The following CDHR3 variants were observed in gnomAD, a reference collection of about 807,000 sequenced individuals.
The protein encoded by CDHR3 is cadherin related family member 3.
In CDHR3, 79 loss-of-function variants were observed where a neutral mutation model predicts 86.6. The ratio of observed to expected loss-of-function variants is 0.91; its 90% CI spans 0.76 to 1.10. CDHR3 has a LOEUF of 1.10. CDHR3 is among the 50% of genes least tolerant of loss of function. CDHR3 has a pLI of 0.00. For synonymous variants in CDHR3, 421 were observed against 402.4 expected (o/e 1.05, Z -0.55); for missense variants, 1,081 against 1,077.6 (o/e 1.00, Z -0.04).
chr7:106,005,953 T>G (rs1377813237), intron 8 of CDHR3, among the ~76,000 whole-genome samples: 2 of 152,192 alleles, frequency 1.3e-5, no homozygotes, highest in African/African-American at 2.4e-5. Flanking sequence ...ATGCTGCTGA[T>G]AAAGATATAC....
chr7:105,972,630 C>T (rs550737212), intron 1 of CDHR3, among the ~76,000 whole-genome samples: 83 of 152,294 alleles, frequency 5.4e-4, no homozygotes, highest in South Asian at 1.7e-3. Context: ...GTATTTTGCT[C>T]ATTTTGAAAA....
At position 106,024,394 on chromosome 7, in the gene CDHR3, A is replaced by C. The variant is rs770837188; in HGVS notation, c.2090A>C (p.Tyr697Ser). 1 of 1,613,996 alleles carries C rather than the reference A, an allele frequency of 6.2e-7. No individual in the cohort carries two copies. Among genetic ancestry groups the C allele is most frequent in the East Asian group, 2.2e-5 (1 of 44,886 alleles). The change falls in exon 15 of 19, where the codon TAT becomes TCT. Residue 697 changes from tyrosine (Y) to serine (S), a missense_variant. Physicochemically the swap from Tyr to Ser is moderately radical, Grantham distance 144. Coordinates refer to ENST00000317716, the MANE Select transcript of CDHR3 (RefSeq NM_152750.5). ...CTGTTGTTCAAGCCCAGGGTCACCT[A>C]TCAGGTCCTGAGGAAAAACGTTTAC... ...ITTTPRPRVT[Y>S]QVLRKNVYSP...
chr7:106,031,745 G>T (rs2528881), intron 18 of CDHR3, among the ~76,000 whole-genome samples: 1 of 151,868 alleles, frequency 6.6e-6, no homozygotes, highest in East Asian at 1.9e-4. Context: ...AGAGCAAAAG[G>T]CTCTTCCAGA....
chr7:105,979,349 C>G (rs1223757854), intron 2 of CDHR3, among the ~76,000 whole-genome samples: 2 of 152,128 alleles, frequency 1.3e-5, no homozygotes, highest in Non-Finnish European at 2.9e-5. Context: ...CCTCTGTTCA[C>G]CAGTAGACAC....
chr7:105,971,523 C>T (rs1827976191), intron 1 of CDHR3, among the ~76,000 whole-genome samples: 1 of 152,116 alleles, frequency 6.6e-6, no homozygotes, highest in Admixed American at 6.5e-5. Context: ...ATGGAGCTGT[C>T]CTTGGAGTCA....
intron 16 of CDHR3, chr7:106,027,641 A>C (rs1480516394): frequency 2.2e-6 from 1 of 454,916 alleles, no homozygotes; most frequent in Non-Finnish European, 4.4e-6. Flanking sequence ...AGGACAAAGA[A>C]TTGGACAGTG....
intron 16 of CDHR3, 44 bp downstream of exon 16, chr7:106,026,739 C>T (rs1261125980): frequency 1.2e-6 from 2 of 1,606,132 alleles, no homozygotes; most frequent in Non-Finnish European, 1.7e-6. Context: ...TTTTTGCTTG[C>T]TCTGTTGTGC....
At chr7:106,004,879 A>C in intron 8 of CDHR3, 192 bp downstream of exon 8, 3 of 595,054 alleles carry the variant, frequency 5.0e-6, no homozygotes, top group East Asian at 2.9e-5. Flanking sequence ...CCTCTCTTTC[A>C]TTTTCCTTCT....
At chr7:106,008,548 C>A (rs1167855254) in intron 8 of CDHR3, among the ~76,000 whole-genome samples, 1 of 152,140 alleles carries the variant, frequency 6.6e-6, no homozygotes, top group Non-Finnish European at 1.5e-5. Context: ...CCTGCTGACA[C>A]CCCAATAACG....
chr7:105,971,843 G>A (rs367780744), intron 1 of CDHR3, among the ~76,000 whole-genome samples: 105 of 152,220 alleles, frequency 6.9e-4, no homozygotes, highest in South Asian at 8.3e-4. Flanking sequence ...ACAATTCTTC[G>A]TGTTGTTCCA....
chr7:106,013,131 C>G, intron 9 of CDHR3, 100 bp downstream of exon 9: 3 of 1,117,832 alleles, frequency 2.7e-6, no homozygotes, highest in South Asian at 1.7e-5. Context: ...CAAGGTAACC[C>G]CCTCTCAGAG....
chr7:105,984,238 C>T lies in CDHR3; in HGVS notation c.462C>T (p.Tyr154=). 2 of 1,610,956 alleles carry T rather than the reference C, an allele frequency of 1.2e-6. No individual in the cohort carries two copies. The highest frequency in any genetic ancestry group is 1.7e-6 in the Non-Finnish European group (2 of 1,177,884). ...IVERANPGFI[Y]QVEAFDPEDT... ...AAAGAGCAAACCCTGGATTCATTTACCAGGTTGAGGCCTTCGATCCAGAAG... is the reference window on the plus strand; with the variant it reads ...AAAGAGCAAACCCTGGATTCATTTATCAGGTTGAGGCCTTCGATCCAGAAG... The change falls in exon 4 of 19, where the codon TAC becomes TAT. Residue 154 remains tyrosine (Y), a synonymous_variant. Transcript: ENST00000317716.
At chr7:105,971,386 G>C (rs41261) in intron 1 of CDHR3, among the ~76,000 whole-genome samples, 1 of 151,854 alleles carries the variant, frequency 6.6e-6, no homozygotes, top group Non-Finnish European at 1.5e-5. Context: ...TGGGACAGGC[G>C]GTTCCCAATA....
At chr7:106,009,758 G>C (rs550508899) in intron 8 of CDHR3, among the ~76,000 whole-genome samples, 109 of 152,342 alleles carry the variant, frequency 7.2e-4, no homozygotes, top group Middle Eastern at 3.4e-3. Flanking sequence ...AGGGCCCGAC[G>C]GAGGCATCCG....
chr7:105,972,383 T>A (rs2727759), intron 1 of CDHR3, among the ~76,000 whole-genome samples: 40,189 of 151,930 alleles, frequency 0.26, 5,924 homozygotes, highest in East Asian at 0.67. Flanking sequence ...ACTTTGCTTG[T>A]TGCCTGGAGG....
intron 12 of CDHR3, 119 bp from the exon 13 acceptor site, chr7:106,020,254 T>C: frequency 1.3e-6 from 1 of 797,130 alleles, no homozygotes; most frequent in Non-Finnish European, 2.0e-6. Flanking sequence ...ATGTTAGCTA[T>C]CTCATGTGAG....
intron 15 of CDHR3, among the ~76,000 whole-genome samples, chr7:106,026,432 A>G (rs1585848786): frequency 6.6e-6 from 1 of 152,218 alleles, no homozygotes; most frequent in African/African-American, 2.4e-5. Flanking sequence ...CCTGAAGTTT[A>G]TAAGGTGATA....
chr7:105,990,562 G>C (rs867940280), intron 4 of CDHR3, among the ~76,000 whole-genome samples: 1 of 152,178 alleles, frequency 6.6e-6, no homozygotes, highest in African/African-American at 2.4e-5. Context: ...TGGCCCTCTG[G>C]GGTGGGTTTG....
chr7:106,031,820 C>T (rs1838419610), intron 18 of CDHR3, among the ~76,000 whole-genome samples: 1 of 151,928 alleles, frequency 6.6e-6, no homozygotes, highest in Admixed American at 6.6e-5. Context: ...AAGACATGAG[C>T]CAACTGGCCT....
Sources: allele counts gnomAD v4.1 joint callset (sites outside exome capture counted in the v4.1 genomes callset), GRCh38; gene constraint gnomAD v4.1.1; transcripts MANE v1.5; gene names NCBI Gene and HGNC (gene_info 2026-07-23, HGNC 2026-07-21).